Variants in ACSM2A observed in about 807,000 individuals in gnomAD.
ACSM2A encodes the protein acyl-coenzyme A synthetase ACSM2A, mitochondrial.
A neutral mutation model predicts 76.6 loss-of-function variants in ACSM2A; 72 were observed. The observed-to-expected ratio is 0.94, with a 90% CI of 0.78 to 1.14. ACSM2A has a LOEUF of 1.14. Ranked by LOEUF, ACSM2A falls within the 50% of genes most tolerant of loss-of-function variation. The pLI, the probability that ACSM2A is intolerant of heterozygous loss-of-function variation, is 0.00. For missense variants in ACSM2A, 684 were observed against 708.5 expected (o/e 0.97, Z 0.39); for synonymous variants, 249 against 255.9 (o/e 0.97, Z 0.26).
intron 9 of ACSM2A, among the ~76,000 whole-genome samples, chr16:20,477,682 C>A (rs2013831870): frequency 6.6e-6 from 1 of 152,120 alleles, no homozygotes; most frequent in Admixed American, 6.5e-5. Context: ...GAATAGCTAG[C>A]AAATTAGCTA....
intron 2 of ACSM2A, among the ~76,000 whole-genome samples, chr16:20,465,067 T>TA (rs1455624538): frequency 6.6e-6 from 1 of 152,192 alleles, no homozygotes; most frequent in Non-Finnish European, 1.5e-5. Flanking sequence ...TTCCAGAAGG[T>TA]ACATGTTGGT....
intron 13 of ACSM2A, among the ~76,000 whole-genome samples, chr16:20,485,578 T>A (rs2014339993): frequency 6.6e-6 from 1 of 152,230 alleles, no homozygotes; most frequent in Non-Finnish European, 1.5e-5. Context: ...AGTTTCTAAA[T>A]GCATGGGTAT....
At chr16:20,477,901 A>G (rs1350026481) in intron 9 of ACSM2A, among the ~76,000 whole-genome samples, 1 of 152,228 alleles carries the variant, frequency 6.6e-6, no homozygotes, top group South Asian at 2.1e-4. Context: ...ATGATGTCCC[A>G]GTTTTCACTA....
chr16:20,474,906 C>A (rs2013635753), intron 6 of ACSM2A, among the ~76,000 whole-genome samples: 1 of 152,154 alleles, frequency 6.6e-6, no homozygotes, highest in Non-Finnish European at 1.5e-5. Context: ...ACTTTTATAT[C>A]TAAAATATAT....
chr16:20,474,635 G>T (rs767136677), intron 6 of ACSM2A, among the ~76,000 whole-genome samples: 9 of 152,198 alleles, frequency 5.9e-5, no homozygotes, highest in Non-Finnish European at 8.8e-5. Context: ...AGAAAAGCAT[G>T]GGATGGAGAT....
rs931729930 is a variant in ACSM2A at position 20,480,934 on chromosome 16, C to T, written c.1509+13C>T. 6.2e-7 allele frequency: 1 copy of T among 1,613,766 alleles called. No homozygotes were observed. The highest frequency in any genetic ancestry group is 8.5e-7 in the Non-Finnish European group (1 of 1,179,802). On this transcript the variant is annotated intron_variant, in intron 12 of 13. Transcript: ENST00000573854. ...CGTCCGAGGAGAGGTGATGGGGAAGCAGTAGCCTGGGGGTGAACACATATG... is the reference window on the plus strand; with the variant it reads ...CGTCCGAGGAGAGGTGATGGGGAAGTAGTAGCCTGGGGGTGAACACATATG...
At chr16:20,459,353 G>C (rs778518291) in intron 1 of ACSM2A, among the ~76,000 whole-genome samples, 11 of 152,244 alleles carry the variant, frequency 7.2e-5, no homozygotes, top group African/African-American at 1.9e-4. Context: ...ATAGGACCTG[G>C]GATTTAGGAT....
In ACSM2A at chr16:20,480,680, T is replaced by C. The variant is rs2014032018; in HGVS notation, c.1389T>C (p.Asn463=). The C allele has an allele frequency of 1.0e-6, 1 of 953,344 alleles. No homozygotes were observed. The highest frequency in any genetic ancestry group is 1.6e-6 in the Non-Finnish European group (1 of 630,604). The allele number at this position is 953,344 out of a possible 1,614,324, so 59.1% of individuals were successfully genotyped here. A position where few individuals can be genotyped will look rare whatever the true frequency, so the allele number is the denominator to read the frequency against. Residue 463 remains asparagine, a synonymous_variant, in exon 11 of 14, where the codon AAT becomes AAC. Transcript: ENST00000573854. The part of the protein sequence containing the change: ...DGYFQFMGRA[N]DIINSSGYRI... ...ATTTCCAGTTTATGGGACGGGCAAA[T>C]GATATCATTAACTCCAGCGGGTGAG...
intron 7 of ACSM2A, 94 bp downstream of exon 7, chr16:20,475,535 A>C: frequency 6.2e-7 from 1 of 1,602,854 alleles, no homozygotes; most frequent in Non-Finnish European, 8.5e-7. Context: ...TCTCTCGCAC[A>C]CAGAGAGCCC....
chr16:20,481,631 A>T (rs894760740), intron 12 of ACSM2A: 7 of 148,860 alleles, frequency 4.7e-5, no homozygotes, highest in African/African-American at 1.7e-4. Context: ...GCATACAGTT[A>T]GCAGCAATAA....
chr16:20,473,861 G>T lies in ACSM2A; in HGVS notation c.895-1501G>T, dbSNP rs1038072376. 4 of 333,824 alleles carry T rather than the reference G, an allele frequency of 1.2e-5. No individual in the cohort carries two copies. The Admixed American group carries it at 1.2e-4, about 10-fold the overall frequency. 20.7% of individuals were successfully genotyped at this position (333,824 alleles called of 1,614,324 possible). A position where few individuals can be genotyped will look rare whatever the true frequency, so the allele number is the denominator to read the frequency against. ...AAGATTACAACCTGTTCTGTCTAAA[G>T]CCTAGTGCCAGTACCTAAAAGCTTC... On this transcript the variant is annotated intron_variant, in intron 6 of 13. Transcript: ENST00000573854.
chr16:20,485,944 A>G (rs1596684837), intron 13 of ACSM2A, among the ~76,000 whole-genome samples: 1 of 152,238 alleles, frequency 6.6e-6, no homozygotes, highest in Non-Finnish European at 1.5e-5. Context: ...AGGATCCTCA[A>G]CTTCAAACAT....
intron 1 of ACSM2A, among the ~76,000 whole-genome samples, chr16:20,458,221 T>C (rs2012314194): frequency 2.0e-5 from 3 of 150,810 alleles, no homozygotes; most frequent in African/African-American, 2.4e-5. Flanking sequence ...TAAAAATGAC[T>C]ATATTGCCAA....
chr16:20,472,917 G>A (rs972728775), intron 6 of ACSM2A, among the ~76,000 whole-genome samples: 1 of 152,070 alleles, frequency 6.6e-6, no homozygotes, highest in African/African-American at 2.4e-5. Context: ...ATTTAAGATG[G>A]TTTTCTAGAA....
chr16:20,451,949 A>C (rs1213580209), intron 1 of ACSM2A: 2 of 151,288 alleles, frequency 1.3e-5, no homozygotes, highest in South Asian at 4.2e-4. Context: ...TCAGAGAAGG[A>C]TGAATCTCAG....
intron 1 of ACSM2A, among the ~76,000 whole-genome samples, 170 bp from the exon 2 acceptor site, chr16:20,459,937 C>T (rs1389158813): frequency 6.6e-5 from 10 of 152,054 alleles, no homozygotes; most frequent in African/African-American, 2.4e-4. Context: ...GAAAACAGCA[C>T]CCCACAAGGA....
chr16:20,460,157 G>C lies in ACSM2A; in HGVS notation c.43G>C (p.Gly15Arg). 1.2e-6 allele frequency: 2 copies of C among 1,612,836 alleles called. No individual in the cohort carries two copies. The highest frequency in any genetic ancestry group is 1.7e-6 in the Non-Finnish European group (2 of 1,179,244). ...AGTTCAGGGACTTTGCACCCTGTGG[G>C]GTACTCAGATGTCCAGCCGCACTCT... Reference protein sequence around the residue: ...RKVQGLCTLWGTQMSSRTLYI... With the variant: ...RKVQGLCTLWRTQMSSRTLYI... The change falls in exon 2 of 14, where the codon GGT (glycine) becomes CGT (arginine). Residue 15 changes from glycine to arginine, a missense_variant. Physicochemically the swap from Gly to Arg is moderately radical, Grantham distance 125 (BLOSUM62 -2). Coordinates refer to ENST00000573854, the MANE Select transcript of ACSM2A (RefSeq NM_001308172.2).
chr16:20,483,511 A>G (rs1450362780), intron 13 of ACSM2A, among the ~76,000 whole-genome samples: 1 of 131,770 alleles, frequency 7.6e-6, no homozygotes, highest in African/African-American at 2.8e-5. Context: ...TGGAGGTTAC[A>G]GTGAGCCGAG....
intron 2 of ACSM2A, among the ~76,000 whole-genome samples, chr16:20,461,717 T>A (rs1432053476): frequency 6.6e-6 from 1 of 152,166 alleles, no homozygotes; most frequent in Non-Finnish European, 1.5e-5. Context: ...CCCTCCCTCA[T>A]AATAAAAGTA....
Sources: allele counts gnomAD v4.1 joint callset (sites outside exome capture counted in the v4.1 genomes callset), GRCh38; gene constraint gnomAD v4.1.1; transcripts MANE v1.5; gene names NCBI Gene and HGNC (gene_info 2026-07-23, HGNC 2026-07-21).